The following MTA3 variants were observed in gnomAD, a reference collection of about 807,000 sequenced individuals.
MTA3 encodes the protein metastasis-associated protein MTA3.
MTA3 carries 34 observed loss-of-function variants against 83.5 expected under a neutral mutation model. That is an observed-to-expected ratio of 0.41 (90% confidence interval 0.31 to 0.54). The LOEUF (loss-of-function observed/expected upper bound fraction) is 0.54. Ranked by LOEUF, MTA3 falls within the 20% of genes least tolerant of loss-of-function variation. MTA3 has a pLI of 0.33. For missense variants in MTA3, 761 were observed against 726.4 expected, an observed-to-expected ratio of 1.05 and a Z score of -0.55; for synonymous variants, 303 against 252.7, an observed-to-expected ratio of 1.20 and a Z score of -1.89.
intron 3 of MTA3, among the ~76,000 whole-genome samples, chr2:42,580,914 C>G (rs1679547539): frequency 6.6e-6 from 1 of 152,110 alleles, no homozygotes; most frequent in Admixed American, 6.6e-5. Context: ...TTTATAATCA[C>G]TATGGTCTTG....
intron 12 of MTA3, among the ~76,000 whole-genome samples, chr2:42,705,529 AC>A (rs1185069590): frequency 1.3e-5 from 2 of 152,052 alleles, no homozygotes; most frequent in Non-Finnish European, 2.9e-5. Context: ...ACATGGTGAA[AC>A]CCCGTCTCTA....
At chr2:42,636,626 C>CT (rs869057645) in intron 4 of MTA3, among the ~76,000 whole-genome samples, 4,357 of 130,044 alleles carry the variant, frequency 0.034, 271 homozygotes, top group African/African-American at 0.11. Context: ...CTCTTTCTTT[C>CT]TTTTTTTTTT....
chr2:42,569,197 G>A (rs1678173092), intron 1 of MTA3, among the ~76,000 whole-genome samples: 4 of 151,780 alleles, frequency 2.6e-5, no homozygotes, highest in Admixed American at 2.6e-4. Flanking sequence ...CTGGGGTGGG[G>A]GTGGGGGTGG....
chr2:42,595,743 A>G (rs879441771), intron 3 of MTA3, among the ~76,000 whole-genome samples: 2 of 152,162 alleles, frequency 1.3e-5, no homozygotes, highest in Admixed American at 6.6e-5. Flanking sequence ...GGACTGGAAA[A>G]AATTTTAAAA....
chr2:42,530,355 C>G (rs1675904342), intron 2 of MTA3, among the ~76,000 whole-genome samples: 1 of 151,302 alleles, frequency 6.6e-6, no homozygotes, highest in South Asian at 2.1e-4. Flanking sequence ...GGCTTGGTGG[C>G]GGGCGCATGT....
At chr2:42,594,728 A>ATATATATATATATATATATATTTTTTTT in intron 3 of MTA3, among the ~76,000 whole-genome samples, 4 of 24,040 alleles carry the variant, frequency 1.7e-4, no homozygotes, top group Admixed American at 8.8e-4. Flanking sequence ...ATATATATAT[A>ATATATATATATATATATATATTTTTTTT]TTTTTTTTTT....
In MTA3 at chr2:42,640,223, A is replaced by G; in HGVS notation, c.368A>G (p.Tyr123Cys). The change falls in exon 5 of 17, where the codon TAT (tyrosine) becomes TGT (cysteine). Residue 123 changes from tyrosine (Y) to cysteine (C), a missense_variant. Physicochemically the swap from Tyr to Cys is radical, Grantham distance 194 (BLOSUM62 -2). Coordinates refer to ENST00000405094, the MANE Select transcript of MTA3 (RefSeq NM_001330442.2). ...LLNETESVLS[Y>C]LDKEDTFFYS... ...AATGAGACAGAATCAGTATTGTCAT[A>G]TCTTGATAAGGAGGTAATTCACAAT... The G allele has an allele frequency of 6.2e-7, 1 of 1,606,650 alleles. No individual in the cohort carries two copies. Among genetic ancestry groups the G allele is most frequent in the South Asian group, 1.1e-5 (1 of 89,826 alleles).
intron 11 of MTA3, among the ~76,000 whole-genome samples, chr2:42,698,218 A>G (rs1693559030): frequency 6.6e-6 from 1 of 152,106 alleles, no homozygotes; most frequent in African/African-American, 2.4e-5. Context: ...TATTTGGTTG[A>G]GGATTTTACA....
In MTA3 at chr2:42,521,751, C is replaced by CTTTTT. The variant is rs35664371; in HGVS notation, c.-141+26514_-141+26518dup. ...GATAACTGCCCCTGAATCTTTCTCTCTTTTTTTTTTTTTTTTTTTTTGAGA... is the reference window on the plus strand; with the variant it reads ...GATAACTGCCCCTGAATCTTTCTCTCTTTTTTTTTTTTTTTTTTTTTTTTTTGAGA... On this transcript the variant is annotated intron_variant, in intron 2 of 17. Coordinates refer to the MTA3 transcript ENST00000405592. Among the ~76,000 whole-genome samples the CTTTTT allele has an allele frequency of 7.7e-3, 822 of 106,346 alleles. 6 individuals are homozygous for CTTTTT. The highest frequency in any genetic ancestry group is 8.4e-3 in the Non-Finnish European group (467 of 55,336). The allele number at this position is 106,346 out of a possible 152,430, so 69.8% of individuals were successfully genotyped here. A position where few individuals can be genotyped will look rare whatever the true frequency, so the allele number is the denominator to read the frequency against.
intron 14 of MTA3, among the ~76,000 whole-genome samples, chr2:42,714,999 A>T (rs536001116): frequency 1.3e-5 from 2 of 152,312 alleles, no homozygotes; most frequent in African/African-American, 4.8e-5. Flanking sequence ...AACTAAAGAC[A>T]TGTTCCTTGT....
At chr2:42,740,086 A>G (rs935169456) in intron 16 of MTA3, among the ~76,000 whole-genome samples, 2 of 152,250 alleles carry the variant, frequency 1.3e-5, no homozygotes, top group African/African-American at 4.8e-5. Context: ...CTGATGTTCT[A>G]ATGGCATCTA....
chr2:42,610,495 T>C (rs1446832230), intron 4 of MTA3, among the ~76,000 whole-genome samples: 1 of 152,190 alleles, frequency 6.6e-6, no homozygotes, highest in East Asian at 1.9e-4. Flanking sequence ...TTAAATTCTT[T>C]TTCTACTGCA....
intron 16 of MTA3, among the ~76,000 whole-genome samples, chr2:42,726,896 T>C (rs899730829): frequency 3.3e-5 from 5 of 152,176 alleles, no homozygotes; most frequent in African/African-American, 1.2e-4. Flanking sequence ...AAGGTGAAGA[T>C]GAAAGATGTA....
chr2:42,613,752 C>T (rs988384677), intron 4 of MTA3: 5 of 152,186 alleles, frequency 3.3e-5, no homozygotes, highest in African/African-American at 1.2e-4. Context: ...ACGCTTAACA[C>T]TTCCCAAAGT....
chr2:42,514,682 C>CCTTTT (rs1201134677), intron 2 of MTA3, among the ~76,000 whole-genome samples: 1 of 53,492 alleles, frequency 1.9e-5, no homozygotes, highest in African/African-American at 8.5e-5. Flanking sequence ...CGCCCAGCCC[C>CCTTTT]TTTTTTTTTT....
chr2:42,631,732 C>G (rs1247043268), intron 4 of MTA3, among the ~76,000 whole-genome samples: 1 of 152,154 alleles, frequency 6.6e-6, no homozygotes, highest in African/African-American at 2.4e-5. Context: ...CTTAGTGACC[C>G]AGGCTGGAGT....
At position 42,754,259 on chromosome 2, in the gene MTA3, C is replaced by G; in HGVS notation, c.*860C>G. ...AAGAACTGCTGCCAGGTGGGTCCTA[C>G]AGCAGGTCACAAATGACCTAGTTTC... On this transcript the variant is annotated 3_prime_UTR_variant, in exon 17 of 17. Coordinates refer to ENST00000405094, the MANE Select transcript of MTA3 (RefSeq NM_001330442.2). 2.0e-6 allele frequency: 2 copies of G among 985,476 alleles called. No homozygotes were observed. The highest frequency in any genetic ancestry group is 2.4e-6 in the Non-Finnish European group (2 of 829,984). The allele number at this position is 985,476 out of a possible 1,614,324, so 61.0% of individuals were successfully genotyped here. A position where few individuals can be genotyped will look rare whatever the true frequency, so the allele number is the denominator to read the frequency against.
At chr2:42,621,791 A>G (rs1455169827) in intron 4 of MTA3, among the ~76,000 whole-genome samples, 1 of 151,336 alleles carries the variant, frequency 6.6e-6, no homozygotes. Context: ...GCGGCTGGGC[A>G]GAGACGCTCC....
intron 3 of MTA3, among the ~76,000 whole-genome samples, chr2:42,592,726 AG>A (rs781440897): frequency 2.4e-4 from 37 of 152,240 alleles, no homozygotes; most frequent in Admixed American, 3.9e-4. Context: ...GAAGGTCTTC[AG>A]GAACAGTAAC....
Sources: allele counts gnomAD v4.1 joint callset (sites outside exome capture counted in the v4.1 genomes callset), GRCh38; gene constraint gnomAD v4.1.1; transcripts MANE v1.5; gene names NCBI Gene and HGNC (gene_info 2026-07-23, HGNC 2026-07-21).